The following BMAL1 variants were observed in gnomAD, a reference collection of about 807,000 sequenced individuals.
BMAL1 encodes the protein basic helix-loop-helix ARNT like 1, also known as basic helix-loop-helix ARNT-like protein 1.
At chr11:13,375,305 T>G in the BMAL1 span, among the ~76,000 whole-genome samples, 1 of 152,228 alleles carries the variant, frequency 6.6e-6, no homozygotes, top group Non-Finnish European at 1.5e-5. Flanking sequence ...GACAGTGCCT[T>G]CTCATTTGCT....
At chr11:13,376,703 G>C in the BMAL1 span, 1 of 1,614,030 alleles carries the variant, frequency 6.2e-7, no homozygotes, top group Non-Finnish European at 8.5e-7. Flanking sequence ...CCCACAGCAT[G>C]GACAGCATGC....
At chr11:13,361,920 C>T in the BMAL1 span, among the ~76,000 whole-genome samples, 5 of 152,176 alleles carry the variant, frequency 3.3e-5, no homozygotes, top group African/African-American at 1.2e-4. Context: ...AAGGATACAC[C>T]TTCCTGAAAA....
At chr11:13,324,457 C>T in the BMAL1 span, among the ~76,000 whole-genome samples, 608 of 152,250 alleles carry the variant, frequency 4.0e-3, 13 homozygotes, top group East Asian at 0.044. Context: ...CCCCAGACAC[C>T]GCCTGTCTCA....
the BMAL1 span, among the ~76,000 whole-genome samples, chr11:13,363,597 A>C: frequency 1.2e-4 from 19 of 152,230 alleles, no homozygotes; most frequent in Admixed American, 3.9e-4. Context: ...CAGCAATGCA[A>C]AATGGACAAA....
At chr11:13,352,042 TG>T in the BMAL1 span, among the ~76,000 whole-genome samples, 1 of 152,028 alleles carries the variant, frequency 6.6e-6, no homozygotes, top group Admixed American at 6.6e-5. Flanking sequence ...AGGATTGGGC[TG>T]GGGTGAGGGT....
At chr11:13,320,036 C>T in the BMAL1 span, among the ~76,000 whole-genome samples, 10 of 152,352 alleles carry the variant, frequency 6.6e-5, no homozygotes, top group East Asian at 1.9e-3. Context: ...TCATAGATTT[C>T]TCACAGGAGT....
the BMAL1 span, chr11:13,326,317 A>C: frequency 6.6e-6 from 1 of 152,198 alleles, no homozygotes; most frequent in Non-Finnish European, 1.5e-5. Flanking sequence ...CCTGGTCCAG[A>C]ATTCCTAATC....
the BMAL1 span, among the ~76,000 whole-genome samples, chr11:13,339,274 A>G: frequency 9.9e-5 from 15 of 152,020 alleles, no homozygotes; most frequent in Admixed American, 5.2e-4. Context: ...GACTCCTCTT[A>G]CACCTCACAT....
At chr11:13,332,626 C>T in the BMAL1 span, among the ~76,000 whole-genome samples, 2 of 152,108 alleles carry the variant, frequency 1.3e-5, no homozygotes, top group Admixed American at 6.5e-5. Flanking sequence ...TGGAGGCTGC[C>T]CCAGCTCTGA....
chr11:13,360,279 A>G, the BMAL1 span: 5 of 1,449,606 alleles, frequency 3.4e-6, no homozygotes, highest in Non-Finnish European at 4.8e-6. Flanking sequence ...GGTTTGAGGC[A>G]GCAAGTTAGA....
the BMAL1 span, among the ~76,000 whole-genome samples, chr11:13,383,700 A>C: frequency 6.6e-6 from 1 of 151,732 alleles, no homozygotes; most frequent in Admixed American, 6.6e-5. Flanking sequence ...AAATACAAAA[A>C]AAATTATCCA....
the BMAL1 span, among the ~76,000 whole-genome samples, chr11:13,319,924 C>G: frequency 7.2e-5 from 11 of 152,202 alleles, no homozygotes; most frequent in Non-Finnish European, 1.6e-4. Context: ...GAGGCTGAGA[C>G]AAAGTTTTTG....
At chr11:13,367,015 C>CTATT in the BMAL1 span, among the ~76,000 whole-genome samples, 1 of 152,160 alleles carries the variant, frequency 6.6e-6, no homozygotes, top group African/African-American at 2.4e-5. Context: ...AAAAGAAGAG[C>CTATT]TATTTAGACT....
chr11:13,371,444 C>G, the BMAL1 span, among the ~76,000 whole-genome samples: 1 of 152,198 alleles, frequency 6.6e-6, no homozygotes, highest in East Asian at 1.9e-4. Context: ...TCCCTCTCAT[C>G]TTCACTGCAC....
the BMAL1 span, among the ~76,000 whole-genome samples, chr11:13,333,283 C>A: frequency 6.6e-6 from 1 of 152,118 alleles, no homozygotes; most frequent in South Asian, 2.1e-4. Flanking sequence ...GTCTTTAAAT[C>A]GTCCAGAGTA....
chr11:13,362,186 G>A, the BMAL1 span, among the ~76,000 whole-genome samples: 7 of 152,286 alleles, frequency 4.6e-5, no homozygotes, highest in African/African-American at 1.7e-4. Flanking sequence ...TTCAACTGTG[G>A]TCTGATTGGC....
chr11:13,356,854 G>C, the BMAL1 span: 1 of 1,609,652 alleles, frequency 6.2e-7, no homozygotes, highest in Non-Finnish European at 8.5e-7. Flanking sequence ...TCTGTTACTT[G>C]GGGCAGCACC....
chr11:13,358,448 A>G, the BMAL1 span: 1 of 1,597,470 alleles, frequency 6.3e-7, no homozygotes, highest in Non-Finnish European at 8.5e-7. Flanking sequence ...GCTCACAGTC[A>G]GATTGAAAAG....
chr11:13,310,128 G>A, the BMAL1 span: 1 of 152,602 alleles, frequency 6.6e-6, no homozygotes, highest in East Asian at 1.9e-4. Flanking sequence ...GAAAGGCAAG[G>A]TAGTTATCAT....
Sources: gnomAD v4.1 joint callset for allele counts (sites outside exome capture counted in the v4.1 genomes callset) on GRCh38, gnomAD v4.1.1 for gene constraint, MANE v1.5 for transcripts, NCBI Gene and HGNC (gene_info 2026-07-23, HGNC 2026-07-21) for gene names.